MBD4: variants seen among roughly 807,000 people sequenced by gnomAD.
The protein encoded by MBD4 is methyl-CpG binding domain 4, DNA glycosylase, also known as methyl-CpG-binding domain protein 4.
In MBD4, 53 loss-of-function variants were observed where a neutral mutation model predicts 60.2. The ratio of observed to expected loss-of-function variants is 0.88; its 90% confidence interval spans 0.71 to 1.11. MBD4 has a LOEUF of 1.11. Among genes scored for constraint, MBD4 ranks in the 50% least tolerant of loss-of-function variants. The pLI is 0.00. For missense variants in MBD4, 619 were observed against 674.0 expected (o/e 0.92, Z 0.90); for synonymous variants, 231 against 229.8 (o/e 1.01, Z -0.05).
intron 1 of MBD4, among the ~76,000 whole-genome samples, chr3:129,438,864 G>T (rs1419498144): frequency 1.3e-5 from 2 of 152,084 alleles, no homozygotes; most frequent in Admixed American, 1.3e-4. Context: ...AGTCCGGCAG[G>T]TCAAGGCTTC....
chr3:129,434,711 G>A (rs1457349254), intron 3 of MBD4, among the ~76,000 whole-genome samples: 3 of 152,136 alleles, frequency 2.0e-5, no homozygotes, highest in Non-Finnish European at 4.4e-5. Flanking sequence ...AATGGTTGTT[G>A]CCAAGTGCTA....
In MBD4 at chr3:129,433,125, G is replaced by A. The variant is rs1381175027; in HGVS notation, c.1516C>T (p.Arg506Trp). ...GAGAACTTGACAATGGTTTTTGCCC[G>A]AAGATCGTAGAGACCAAGAGGTTTA... Reference protein sequence around the residue: ...LLKPLGLYDLRAKTIVKFSDE... With the variant: ...LLKPLGLYDLWAKTIVKFSDE... Residue 506 changes from arginine to tryptophan, a missense_variant, in exon 6 of 8, where the codon CGG (arginine) becomes TGG (tryptophan). By Grantham distance (101) the Arg-to-Trp change is moderately radical. Transcript: ENST00000429544. The A allele has an allele frequency of 1.6e-5, 26 of 1,614,052 alleles. No homozygotes were observed. The highest frequency in any genetic ancestry group is 2.1e-5 in the Non-Finnish European group (25 of 1,180,034).
chr3:129,433,707 T>C lies in MBD4; in HGVS notation c.1393+143A>G, dbSNP rs901596363. 5.7e-6 allele frequency: 5 copies of C among 881,950 alleles called. No individual in the cohort carries two copies. The South Asian group carries it at 5.8e-5, about 10-fold the overall frequency. 54.6% of individuals were successfully genotyped at this position (881,950 alleles called of 1,614,324 possible). The stretch of plus-strand genomic sequence containing the variant: ...GATGTCATCCAGTCTCATTTCCTCA[T>C]AGGTGAAGAGTTTAAGGGTGAAGGG... On this transcript the variant is annotated intron_variant, in intron 5 of 7. Transcript: ENST00000429544.
At chr3:129,438,319 G>T (rs1049265774) in intron 1 of MBD4, among the ~76,000 whole-genome samples, 1 of 152,140 alleles carries the variant, frequency 6.6e-6, no homozygotes, top group Non-Finnish European at 1.5e-5. Flanking sequence ...ATAAATCAGT[G>T]AGTTACACTG....
rs908290652 is a variant in MBD4 at position 129,439,888 on chromosome 3, G to C, written c.-55C>G. 9.6e-6 allele frequency: 12 copies of C among 1,251,220 alleles called. No homozygotes were observed. The highest frequency in any genetic ancestry group is 1.5e-5 in the African/African-American group (1 of 68,252). The allele number at this position is 1,251,220 out of a possible 1,614,324, so 77.5% of individuals were successfully genotyped here. On this transcript the variant is annotated 5_prime_UTR_variant, in exon 1 of 8. Coordinates refer to ENST00000429544, the MANE Select transcript of MBD4 (RefSeq NM_001276270.2). Reference sequence around the variant, plus strand: ...CAGCGCCGCAACGCCCAGGGTGTGGGGCGGAGTAAGATGTGAAACCTCTTC... The same window carrying C: ...CAGCGCCGCAACGCCCAGGGTGTGGCGCGGAGTAAGATGTGAAACCTCTTC...
At position 129,436,476 on chromosome 3, in the gene MBD4, T is replaced by C. The variant is rs1218136082; in HGVS notation, c.1168A>G (p.Arg390Gly). 2.9e-5 allele frequency: 46 copies of C among 1,613,996 alleles called. No homozygotes were observed. Among genetic ancestry groups the C allele is most frequent in the Non-Finnish European group, 3.8e-5 (45 of 1,180,006 alleles). ...SEMDNNCSPT[R>G]KDFTEDTIPR... Reference sequence around the variant, plus strand: ...ATTTTCTCACCAGTGAAGTCTTTCCTGGTTGGTGAGCAGTTGTTGTCCATT... The same window carrying C: ...ATTTTCTCACCAGTGAAGTCTTTCCCGGTTGGTGAGCAGTTGTTGTCCATT... The change falls in exon 3 of 8, where the codon AGG becomes GGG. Residue 390 changes from arginine (R) to glycine (G), a missense_variant. Coordinates refer to ENST00000429544, the MANE Select transcript of MBD4 (RefSeq NM_001276270.2).
Position 129,431,296 on chromosome 3 carries a change from T to C in MBD4, c.*205A>G. 2 of 535,508 alleles carry C rather than the reference T, an allele frequency of 3.7e-6. No homozygotes were observed. Among genetic ancestry groups the C allele is most frequent in the Non-Finnish European group, 3.3e-6 (1 of 301,976 alleles). 33.2% of individuals were successfully genotyped at this position (535,508 alleles called of 1,614,324 possible). ...TTTGGATTGTTGTCAAATAATAATT[T>C]ATTTTAAAAAAATCTCAAAACATGT... is the stretch of plus-strand genomic sequence containing the variant. On this transcript the variant is annotated 3_prime_UTR_variant, in exon 8 of 8. Coordinates refer to ENST00000429544, the MANE Select transcript of MBD4 (RefSeq NM_001276270.2).
intron 1 of MBD4, among the ~76,000 whole-genome samples, chr3:129,438,761 A>AAC (rs1553722519): frequency 9.3e-5 from 14 of 150,742 alleles, no homozygotes; most frequent in African/African-American, 3.4e-4. Context: ...GAAAAAAAAA[A>AAC]CCCAAAAAAA....
In MBD4 at chr3:129,434,067, T is replaced by C. The variant is rs776204146; in HGVS notation, c.1253A>G (p.Lys418Arg). The stretch of plus-strand genomic sequence containing the variant: ...TCTGATTGGGAAAGGGATACCTTCT[T>C]TGTTATATTTGCTGGAAAAATACAG... ...TSLYFSSKYN[K>R]EALSPPRRKA... The change falls in exon 4 of 8, where the codon AAA (lysine) becomes AGA (arginine). Residue 418 changes from lysine (K) to arginine (R), a missense_variant. Physicochemically the swap from Lys to Arg is conservative, Grantham distance 26 (BLOSUM62 2). Transcript: ENST00000429544. 2 of 1,614,130 alleles carry C rather than the reference T, an allele frequency of 1.2e-6. No individual in the cohort carries two copies. Among genetic ancestry groups the C allele is most frequent in the South Asian group, 1.1e-5 (1 of 91,088 alleles).
Position 129,439,857 on chromosome 3 carries a change from C to A in MBD4, c.-24G>T. 2 of 1,524,914 alleles carry A rather than the reference C, an allele frequency of 1.3e-6. No individual in the cohort carries two copies. The highest frequency in any genetic ancestry group is 1.8e-6 in the Non-Finnish European group (2 of 1,101,068). The allele number at this position is 1,524,914 out of a possible 1,614,324, so 94.5% of individuals were successfully genotyped here. ...ATCGAGCAGGGTCCGGCTGCAGCAACGAGCCCAGCGCCGCAACGCCCAGGG... is the reference window on the plus strand; with the variant it reads ...ATCGAGCAGGGTCCGGCTGCAGCAAAGAGCCCAGCGCCGCAACGCCCAGGG... On this transcript the variant is annotated 5_prime_UTR_variant, in exon 1 of 8. Transcript: ENST00000429544.
rs1212988920 is a variant in MBD4, at chr3:129,437,050, C to T, written c.594G>A (p.Leu198=). 1.2e-6 allele frequency: 2 copies of T among 1,614,088 alleles called. No homozygotes were observed. Among genetic ancestry groups the T allele is most frequent in the East Asian group, 2.2e-5 (1 of 44,898 alleles). ...AGTTAGAGAGTCCTCTGCTCTCCTG[C>T]AACTCTGAACTACTACTTGGCGGCA... ...VFMPPSSSSE[L]QESRGLSNFT... is the part of the protein sequence containing the mutation. Residue 198 remains leucine (L), a synonymous_variant, in exon 3 of 8, where the codon TTG becomes TTA. Coordinates refer to ENST00000429544, the MANE Select transcript of MBD4 (RefSeq NM_001276270.2).
intron 7 of MBD4, 70 bp from the exon 8 acceptor site, chr3:129,431,648 T>C: frequency 8.2e-7 from 1 of 1,213,154 alleles, no homozygotes; most frequent in South Asian, 1.2e-5. Context: ...TTTTTAAAAT[T>C]GGCTTTTTAA....
At chr3:129,435,820 C>G (rs998924370) in intron 3 of MBD4, among the ~76,000 whole-genome samples, 1 of 152,150 alleles carries the variant, frequency 6.6e-6, no homozygotes, top group Non-Finnish European at 1.5e-5. Context: ...AAAGACAAAA[C>G]TGCTAAGTTC....
Position 129,431,266 on chromosome 3 carries a change from T to G in MBD4, c.*235A>C, listed in dbSNP as rs1368989402. On this transcript the variant is annotated 3_prime_UTR_variant, in exon 8 of 8. Coordinates refer to ENST00000429544, the MANE Select transcript of MBD4 (RefSeq NM_001276270.2). Reference sequence around the variant, plus strand: ...ATATTTCATCATTGGAAAAGCCGTATTTTTTTTGGATTGTTGTCAAATAAT... The same window carrying G: ...ATATTTCATCATTGGAAAAGCCGTAGTTTTTTTGGATTGTTGTCAAATAAT... 1.1e-5 allele frequency: 5 copies of G among 447,780 alleles called. No individual in the cohort carries two copies. Among genetic ancestry groups the G allele is most frequent in the Non-Finnish European group, 2.0e-5 (5 of 248,956 alleles). 27.7% of individuals were successfully genotyped at this position (447,780 alleles called of 1,614,324 possible). A position where few individuals can be genotyped will look rare whatever the true frequency, so the allele number is the denominator to read the frequency against.
At position 129,432,512 on chromosome 3, in the gene MBD4, C is replaced by A. The variant is rs750406214; in HGVS notation, c.1638G>T (p.Glu546Asp). The A allele has an allele frequency of 6.2e-7, 1 of 1,614,224 alleles. No homozygotes were observed. Among genetic ancestry groups the A allele is most frequent in the Non-Finnish European group, 8.5e-7 (1 of 1,180,032 alleles). Residue 546 changes from glutamate to aspartate, a missense_variant, in exon 7 of 8, where the codon GAG (glutamate) becomes GAT (aspartate). By Grantham distance (45) the Glu-to-Asp change is conservative. Transcript: ENST00000429544. ...TGGGAGTGAGCCTCACCTGCTTCCA[C>A]TCATTGACACAAAAAATTCGGTAAG... Reference protein sequence around the residue: ...NDSYRIFCVNEWKQVHPEDHK... With the variant: ...NDSYRIFCVNDWKQVHPEDHK...
Sources: gnomAD v4.1 joint callset for allele counts (sites outside exome capture counted in the v4.1 genomes callset) on GRCh38, gnomAD v4.1.1 for gene constraint, MANE v1.5 for transcripts, NCBI Gene and HGNC (gene_info 2026-07-23, HGNC 2026-07-21) for gene names.